The following DGKB variants were observed in gnomAD, a reference collection of about 807,000 sequenced individuals.
DGKB encodes the protein diacylglycerol kinase beta.
A neutral mutation model predicts 114.3 loss-of-function variants in DGKB; 67 were observed. The observed-to-expected ratio is 0.59, with a 90% confidence interval of 0.48 to 0.72. The LOEUF (loss-of-function observed/expected upper bound fraction) is 0.72, where lower values mean the gene tolerates loss of function less well. Ranked by LOEUF, DGKB falls within the 30% of genes least tolerant of loss-of-function variation. The pLI is 0.00. For missense variants in DGKB, 907 were observed against 975.2 expected (o/e 0.93, Z 0.93); for synonymous variants, 398 against 323.1 (o/e 1.23, Z -2.49).
chr7:14,514,744 C>T (rs919706852), intron 20 of DGKB, among the ~76,000 whole-genome samples: 2 of 151,854 alleles, frequency 1.3e-5, no homozygotes, highest in African/African-American at 2.4e-5. Context: ...GAGAAAGATG[C>T]CATTAGTGTC....
chr7:14,548,198 ATC>A (rs2128635026), intron 20 of DGKB, among the ~76,000 whole-genome samples: 1 of 152,316 alleles, frequency 6.6e-6, no homozygotes, highest in South Asian at 2.1e-4. Context: ...ATCATTTAAC[ATC>A]TGTTTGAGAA....
chr7:14,352,576 CAT>C (rs1184989831), intron 21 of DGKB, among the ~76,000 whole-genome samples: 2 of 152,078 alleles, frequency 1.3e-5, no homozygotes, highest in Non-Finnish European at 1.5e-5. Context: ...TAAAATGAAA[CAT>C]GTAAAATGTT....
chr7:14,467,488 A>G (rs1780653973), intron 21 of DGKB, among the ~76,000 whole-genome samples: 1 of 151,844 alleles, frequency 6.6e-6, no homozygotes, highest in Non-Finnish European at 1.5e-5. Flanking sequence ...ATACTTATAT[A>G]AAACATAACA....
chr7:14,711,873 T>A (rs545714132), intron 6 of DGKB, among the ~76,000 whole-genome samples: 143 of 152,280 alleles, frequency 9.4e-4, no homozygotes, highest in African/African-American at 3.4e-3. Flanking sequence ...AAGGTAATTA[T>A]GTGAAAGCGA....
At chr7:14,575,264 T>C (rs148312581) in intron 19 of DGKB, among the ~76,000 whole-genome samples, 128 of 152,352 alleles carry the variant, frequency 8.4e-4, no homozygotes, top group Non-Finnish European at 1.4e-3. Context: ...TTAGAACTAG[T>C]ACACCACATT....
At chr7:14,447,141 A>T (rs1830829553) in intron 21 of DGKB, among the ~76,000 whole-genome samples, 1 of 152,102 alleles carries the variant, frequency 6.6e-6, no homozygotes, top group Non-Finnish European at 1.5e-5. Flanking sequence ...GTATGCACGG[A>T]TGCATCACCC....
chr7:14,162,921 G>A (rs1056594157), intron 25 of DGKB, among the ~76,000 whole-genome samples: 32 of 152,038 alleles, frequency 2.1e-4, no homozygotes, highest in Non-Finnish European at 4.3e-4. Context: ...CTTTATCCAG[G>A]TCGATTTGTG....
intron 1 of DGKB, among the ~76,000 whole-genome samples, chr7:14,878,354 A>C (rs752765293): frequency 1.3e-5 from 2 of 152,228 alleles, no homozygotes; most frequent in Non-Finnish European, 2.9e-5. Flanking sequence ...AAAGACTGTC[A>C]GCAGCCAGAG....
At chr7:14,798,273 C>G (rs1374035094) in intron 2 of DGKB, among the ~76,000 whole-genome samples, 2 of 152,106 alleles carry the variant, frequency 1.3e-5, no homozygotes, top group Non-Finnish European at 2.9e-5. Context: ...AGGGACCTGT[C>G]CCTGTCTGCC....
intron 23 of DGKB, among the ~76,000 whole-genome samples, chr7:14,273,439 A>C (rs1798550631): frequency 6.6e-6 from 1 of 152,210 alleles, no homozygotes. Context: ...TTTCAGATGT[A>C]ACAGTAAAGA....
At chr7:14,867,672 T>C (rs1250326797) in intron 1 of DGKB, among the ~76,000 whole-genome samples, 1 of 152,180 alleles carries the variant, frequency 6.6e-6, no homozygotes, top group Non-Finnish European at 1.5e-5. Flanking sequence ...TTAACTCATA[T>C]AAATATCCCT....
At chr7:14,789,411 T>G (rs1488292548) in intron 2 of DGKB, among the ~76,000 whole-genome samples, 1 of 152,170 alleles carries the variant, frequency 6.6e-6, no homozygotes, top group African/African-American at 2.4e-5. Flanking sequence ...TGTTGTTGCA[T>G]TTATTATTGA....
chr7:14,964,089 G>C (rs536636063), intron 1 of DGKB, among the ~76,000 whole-genome samples: 3 of 152,160 alleles, frequency 2.0e-5, no homozygotes, highest in African/African-American at 7.2e-5. Flanking sequence ...GTGATGCCCA[G>C]TGAACATTTG....
At chr7:14,854,115 A>C (rs1018268409) in intron 1 of DGKB, among the ~76,000 whole-genome samples, 10 of 152,106 alleles carry the variant, frequency 6.6e-5, no homozygotes, top group African/African-American at 2.4e-4. Flanking sequence ...ATCTTTTAAT[A>C]ATTTTATATT....
At chr7:14,884,928 A>C (rs1325455344) in intron 1 of DGKB, among the ~76,000 whole-genome samples, 3 of 152,018 alleles carry the variant, frequency 2.0e-5, no homozygotes, top group Non-Finnish European at 2.9e-5. Context: ...TCCTTAAATC[A>C]CGTAAAACTC....
intron 3 of DGKB, among the ~76,000 whole-genome samples, chr7:14,754,835 C>T (rs1348790656): frequency 1.3e-5 from 2 of 152,172 alleles, no homozygotes; most frequent in African/African-American, 4.8e-5. Flanking sequence ...AAGTGCCACA[C>T]TCACTACAAA....
intron 25 of DGKB, among the ~76,000 whole-genome samples, chr7:14,152,678 T>C (rs1181750460): frequency 1.3e-5 from 2 of 152,124 alleles, no homozygotes; most frequent in African/African-American, 4.8e-5. Flanking sequence ...GTTTCACTTT[T>C]ATAATTATTC....
intron 2 of DGKB, among the ~76,000 whole-genome samples, chr7:14,769,596 T>C (rs1467247837): frequency 6.6e-6 from 1 of 152,058 alleles, no homozygotes; most frequent in Non-Finnish European, 1.5e-5. Flanking sequence ...TTTATTTGTT[T>C]CCTAGGGCTG....
intron 1 of DGKB, among the ~76,000 whole-genome samples, chr7:14,868,016 A>G (rs1851924797): frequency 6.6e-6 from 1 of 152,132 alleles, no homozygotes; most frequent in South Asian, 2.1e-4. Context: ...AACAATTGAG[A>G]TTTGAAGTCA....
Sources: allele counts gnomAD v4.1 joint callset (sites outside exome capture counted in the v4.1 genomes callset), GRCh38; gene constraint gnomAD v4.1.1; transcripts MANE v1.5; gene names NCBI Gene and HGNC (gene_info 2026-07-23, HGNC 2026-07-21).